The following PPARGC1B variants were observed in gnomAD, a reference collection of about 807,000 sequenced individuals.
PPARGC1B encodes the protein peroxisome proliferator-activated receptor gamma coactivator 1-beta.
A neutral mutation model predicts 101.6 loss-of-function variants in PPARGC1B; 34 were observed. The ratio of observed to expected loss-of-function variants is 0.33; its 90% CI spans 0.25 to 0.45. The LOEUF (loss-of-function observed/expected upper bound fraction) is 0.45, where lower values mean the gene tolerates loss of function less well. PPARGC1B is among the 20% of genes least tolerant of loss of function. The probability of loss-of-function intolerance (pLI) is 1.00; values close to 1 mark genes in which losing one functional copy is unlikely to be tolerated. For missense variants in PPARGC1B, 1,234 were observed against 1,317.6 expected (o/e 0.94, Z 0.98); for synonymous variants, 548 against 539.3 (o/e 1.02, Z -0.22).
chr5:149,753,814 C>G (rs1581014166), intron 1 of PPARGC1B, among the ~76,000 whole-genome samples: 1 of 152,064 alleles, frequency 6.6e-6, no homozygotes, highest in Non-Finnish European at 1.5e-5. Flanking sequence ...CTGCCTCAGC[C>G]TCCTGAGTAG....
chr5:149,732,957 C>T, intron 1 of PPARGC1B: 1 of 248,820 alleles, frequency 4.0e-6, no homozygotes, highest in South Asian at 3.4e-5. Context: ...ACTCTCCGAG[C>T]CTCATTTCCT....
chr5:149,805,564 C>G (rs914249080), intron 1 of PPARGC1B, among the ~76,000 whole-genome samples: 1 of 152,076 alleles, frequency 6.6e-6, no homozygotes, highest in African/African-American at 2.4e-5. Flanking sequence ...CTCTGCCTCC[C>G]GAATAGCTGG....
At chr5:149,835,457 A>G in intron 7 of PPARGC1B, 92 bp downstream of exon 7, 4 of 1,140,816 alleles carry the variant, frequency 3.5e-6, no homozygotes, top group East Asian at 2.4e-5. Context: ...GTGCCACGCA[A>G]TGAACGATGC....
intron 1 of PPARGC1B, among the ~76,000 whole-genome samples, chr5:149,759,330 A>G (rs1755638820): frequency 6.6e-6 from 1 of 152,130 alleles, no homozygotes; most frequent in Non-Finnish European, 1.5e-5. Flanking sequence ...TTTACTCATG[A>G]CCTCAGGCAA....
Position 149,837,335 on chromosome 5 carries a change from C to G in PPARGC1B, c.2618+262C>G, listed in dbSNP as rs1234664994. Among the ~76,000 whole-genome samples the G allele has an allele frequency of 1.3e-5, 2 of 152,204 alleles. No homozygotes were observed. Among genetic ancestry groups the G allele is most frequent in the Non-Finnish European group, 2.9e-5 (2 of 68,038 alleles). On this transcript the variant is annotated intron_variant, in intron 8 of 11. Coordinates refer to ENST00000309241, the MANE Select transcript of PPARGC1B (RefSeq NM_133263.4). This position sits in a 1 kb window ranked among gnomAD's most constrained non-coding sequence, Gnocchi z 4.2. ...CTGGCCTCCAGAAAGAAAGAAAACC[C>G]ACTCCTGGCTATTTGTGGGCTTACG...
chr5:149,846,289 C>T (rs1233808111), intron 11 of PPARGC1B: 2 of 438,376 alleles, frequency 4.6e-6, no homozygotes, highest in Non-Finnish European at 8.0e-6. Flanking sequence ...GACAAGGCAG[C>T]AGCCACCTGG....
At chr5:149,790,567 A>T (rs60377344) in intron 1 of PPARGC1B, among the ~76,000 whole-genome samples, 4,453 of 152,222 alleles carry the variant, frequency 0.029, 187 homozygotes, top group African/African-American at 0.1. Flanking sequence ...TTATAATACT[A>T]GGAGCACAAT....
chr5:149,773,958 C>G (rs557164308), intron 1 of PPARGC1B, among the ~76,000 whole-genome samples: 31 of 152,324 alleles, frequency 2.0e-4, no homozygotes, highest in African/African-American at 5.3e-4. Context: ...TGCTCTGTCC[C>G]CAGATGCATG....
chr5:149,825,271 T>A (rs2113371782), intron 2 of PPARGC1B, among the ~76,000 whole-genome samples: 1 of 152,368 alleles, frequency 6.6e-6, no homozygotes, highest in African/African-American at 2.4e-5. Flanking sequence ...TGGACGTTAT[T>A]TGCTATGTGA....
In PPARGC1B at chr5:149,784,619, G is replaced by C. The variant is rs910138921; in HGVS notation, c.79-35814G>C. On this transcript the variant is annotated intron_variant, in intron 1 of 11. Transcript: ENST00000309241. ...GTCTCGCTCTGTCGCCCAGGCTGGA[G>C]TGCAGTGGCGCAATCTCGGCTCACT... 5.8e-5 allele frequency among the ~76,000 whole-genome samples: 8 copies of C among 137,920 alleles called. No homozygotes were observed. In the Admixed American group the frequency reaches 6.4e-4, roughly 11 times the overall value. 90.5% of individuals were successfully genotyped at this position (137,920 alleles called of 152,430 possible). A position where few individuals can be genotyped will look rare whatever the true frequency, so the allele number is the denominator to read the frequency against.
At chr5:149,839,435 T>C (rs1759243036) in intron 8 of PPARGC1B, among the ~76,000 whole-genome samples, 1 of 152,196 alleles carries the variant, frequency 6.6e-6, no homozygotes, top group South Asian at 2.1e-4. Flanking sequence ...CAAGGAAGGC[T>C]GCAGGTGGGT....
rs150575683 is a variant in PPARGC1B, at chr5:149,848,002, C to T, written c.*444C>T. ...TTTTTAATTGAAAAAAAAAGTATATCCTTAAAATAATGTATTTATGGCTCA... is the reference window on the plus strand; with the variant it reads ...TTTTTAATTGAAAAAAAAAGTATATTCTTAAAATAATGTATTTATGGCTCA... On this transcript the variant is annotated 3_prime_UTR_variant, in exon 12 of 12. Coordinates refer to ENST00000309241, the MANE Select transcript of PPARGC1B (RefSeq NM_133263.4). The T allele has an allele frequency of 1.1e-3, 193 of 178,932 alleles. 3 individuals are homozygous for T. Among genetic ancestry groups the T allele is most frequent in the South Asian group, 5.8e-3 (45 of 7,708 alleles). The allele number at this position is 178,932 out of a possible 1,614,324, so 11.1% of individuals were successfully genotyped here.
chr5:149,857,023 C>T (rs533512094), downstream of PPARGC1B, among the ~76,000 whole-genome samples: 3 of 152,186 alleles, frequency 2.0e-5, no homozygotes, highest in African/African-American at 4.8e-5. Context: ...CCATCCACCT[C>T]GGCCTCCCAA....
chr5:149,733,006 C>T (rs1263476405), intron 1 of PPARGC1B: 2 of 205,750 alleles, frequency 9.7e-6, no homozygotes, highest in African/African-American at 4.8e-5. Context: ...GCAAGAGAAT[C>T]CAATGGCCTG....
intron 1 of PPARGC1B, among the ~76,000 whole-genome samples, chr5:149,753,540 A>T (rs977635556): frequency 4.6e-5 from 7 of 151,842 alleles, no homozygotes; most frequent in East Asian, 3.9e-4. Context: ...AGTTAAAAAA[A>T]TTTTTTTTAA....
chr5:149,752,011 G>A (rs1234206247), intron 1 of PPARGC1B, among the ~76,000 whole-genome samples: 2 of 152,212 alleles, frequency 1.3e-5, no homozygotes, highest in Non-Finnish European at 1.5e-5. Context: ...ATTGCCAATT[G>A]TAGAGTCATA....
In PPARGC1B at chr5:149,770,094, G is replaced by A. The variant is rs533511935; in HGVS notation, c.78+39674G>A. On this transcript the variant is annotated intron_variant, in intron 1 of 11. Coordinates refer to ENST00000309241, the MANE Select transcript of PPARGC1B (RefSeq NM_133263.4). The stretch of plus-strand genomic sequence containing the variant: ...CCCTCACCTCTGCAGCAGCCAGTCA[G>A]CCTCTGTCCTCCCTCAGGGTTGTGG... Among the ~76,000 whole-genome samples, 40 of 152,300 alleles carry A rather than the reference G, an allele frequency of 2.6e-4. 1 individual carries two copies. The Middle Eastern group carries it at 0.014, about 52-fold the overall frequency.
chr5:149,812,877 A>G (rs1002717772), intron 1 of PPARGC1B, among the ~76,000 whole-genome samples: 14 of 152,358 alleles, frequency 9.2e-5, no homozygotes, highest in Admixed American at 9.1e-4. Flanking sequence ...AGCTTCCCAG[A>G]GGAAACTCGG....
chr5:149,819,745 C>T (rs759746303), intron 1 of PPARGC1B, among the ~76,000 whole-genome samples: 1 of 152,178 alleles, frequency 6.6e-6, no homozygotes, highest in Non-Finnish European at 1.5e-5. Context: ...TCGAATGATC[C>T]GCCCACCTTG....
Sources: allele counts gnomAD v4.1 joint callset (sites outside exome capture counted in the v4.1 genomes callset), GRCh38; gene constraint gnomAD v4.1.1; non-coding constraint Gnocchi (gnomAD v3.1); transcripts MANE v1.5; gene names NCBI Gene and HGNC (gene_info 2026-07-23, HGNC 2026-07-21).